The following GPC5 variants were observed in gnomAD, a reference collection of about 807,000 sequenced individuals.
The protein encoded by GPC5 is glypican-5.
Under a neutral mutation model 53.9 loss-of-function variants are expected in GPC5, and 47 were observed. The ratio of observed to expected loss-of-function variants is 0.87; its 90% CI spans 0.69 to 1.11. The LOEUF (loss-of-function observed/expected upper bound fraction) is 1.11. Among genes scored for constraint, GPC5 ranks in the 50% most tolerant of loss-of-function variants. The pLI, the probability that GPC5 is intolerant of heterozygous loss-of-function variation, is 0.00. For synonymous variants in GPC5, 286 were observed against 263.3 expected (o/e 1.09, Z -0.84); for missense variants, 748 against 713.1 (o/e 1.05, Z -0.56).
chr13:91,476,069 A>G (rs528917491), intron 2 of GPC5, among the ~76,000 whole-genome samples: 1 of 152,318 alleles, frequency 6.6e-6, no homozygotes, highest in African/African-American at 2.4e-5. Flanking sequence ...GCATTGTTTG[A>G]TGGCTTTTTC....
intron 5 of GPC5, among the ~76,000 whole-genome samples, chr13:91,800,032 A>G (rs1300905168): frequency 2.0e-5 from 3 of 152,100 alleles, no homozygotes; most frequent in African/African-American, 4.8e-5. Context: ...TTACATCTAA[A>G]TAATTAAGAT....
At chr13:92,863,169 G>T (rs1347631603) in intron 7 of GPC5, among the ~76,000 whole-genome samples, 1 of 152,120 alleles carries the variant, frequency 6.6e-6, no homozygotes, top group Non-Finnish European at 1.5e-5. Context: ...CTCAATTTAA[G>T]TATTGACTTG....
At chr13:91,578,024 C>G (rs933268644) in intron 2 of GPC5, among the ~76,000 whole-genome samples, 3 of 152,236 alleles carry the variant, frequency 2.0e-5, no homozygotes, top group African/African-American at 7.2e-5. Context: ...CAGCCTTCCT[C>G]TCTCATCTTG....
intron 2 of GPC5, among the ~76,000 whole-genome samples, chr13:91,472,372 G>T (rs1237811862): frequency 6.6e-6 from 1 of 152,078 alleles, no homozygotes; most frequent in Non-Finnish European, 1.5e-5. Flanking sequence ...CTCTTGTTTT[G>T]CTACTTTAGA....
intron 3 of GPC5, among the ~76,000 whole-genome samples, chr13:91,716,290 G>C (rs916258868): frequency 6.6e-6 from 1 of 151,984 alleles, no homozygotes; most frequent in Non-Finnish European, 1.5e-5. Context: ...TTACTGCCTG[G>C]TAGAAAGTAT....
intron 6 of GPC5, among the ~76,000 whole-genome samples, chr13:92,133,923 G>A (rs1195907394): frequency 6.6e-6 from 1 of 152,136 alleles, no homozygotes; most frequent in Non-Finnish European, 1.5e-5. Flanking sequence ...TTCTGACTGA[G>A]CCAGGTGAGG....
intron 7 of GPC5, among the ~76,000 whole-genome samples, chr13:92,210,804 T>C (rs1318986512): frequency 6.6e-6 from 1 of 152,160 alleles, no homozygotes; most frequent in Non-Finnish European, 1.5e-5. Flanking sequence ...GTAAGTCTGG[T>C]TTCTCAAGTC....
At chr13:92,866,192 GC>G in intron 7 of GPC5, 89 bp from the exon 8 acceptor site, 1 of 1,135,514 alleles carries the variant, frequency 8.8e-7, no homozygotes, top group Admixed American at 2.6e-5. Flanking sequence ...CAAAAACAAT[GC>G]TGTCCACACT....
chr13:92,600,799 G>A (rs1443068300), intron 7 of GPC5, among the ~76,000 whole-genome samples: 1 of 151,590 alleles, frequency 6.6e-6, no homozygotes, highest in African/African-American at 2.4e-5. Flanking sequence ...GAGCCACCAC[G>A]CCCAGCCTTT....
intron 7 of GPC5, among the ~76,000 whole-genome samples, chr13:92,566,710 T>C (rs1449210893): frequency 1.3e-5 from 2 of 152,158 alleles, no homozygotes; most frequent in Non-Finnish European, 2.9e-5. Flanking sequence ...GTGTGTTCTA[T>C]GTCCTCACCC....
At position 92,841,807 on chromosome 13, in the gene GPC5, T is replaced by C. The variant is rs569426434; in HGVS notation, c.1562-24475T>C. ...TTCTCTACTTTTTCCTTATGATTTA[T>C]TTGTGTAAAACGTTGAGTCAATTGT... On this transcript the variant is annotated intron_variant, in intron 7 of 7. Coordinates refer to ENST00000377067, the MANE Select transcript of GPC5 (RefSeq NM_004466.6). 2.0e-5 allele frequency among the ~76,000 whole-genome samples: 3 copies of C among 152,298 alleles called. No homozygotes were observed. The South Asian group carries it at 6.2e-4, about 32-fold the overall frequency.
intron 6 of GPC5, among the ~76,000 whole-genome samples, chr13:91,943,080 A>T (rs2039942587): frequency 6.6e-6 from 1 of 152,022 alleles, no homozygotes; most frequent in Non-Finnish European, 1.5e-5. Flanking sequence ...TTTAATCACC[A>T]TTTGTTTTGT....
chr13:91,926,303 G>A (rs2039766817), intron 6 of GPC5, among the ~76,000 whole-genome samples: 1 of 148,354 alleles, frequency 6.7e-6, no homozygotes, highest in African/African-American at 2.5e-5. Context: ...AGAGGTTGCA[G>A]TGAGCCAAGA....
chr13:91,437,081 C>T lies in GPC5; in HGVS notation c.164-11680C>T, dbSNP rs189927658. On this transcript the variant is annotated intron_variant, in intron 1 of 7. Coordinates refer to ENST00000377067, the MANE Select transcript of GPC5 (RefSeq NM_004466.6). ...CCCTTTATTTTGAGCCTATGTGTGT[C>T]GCTGCATATGAGATGGGTTTCCTGA... Among the ~76,000 whole-genome samples the T allele has an allele frequency of 1.3e-3, 195 of 152,130 alleles. 2 individuals carry two copies. Among genetic ancestry groups the T allele is most frequent in the African/African-American group, 4.4e-3 (181 of 41,488 alleles).
intron 7 of GPC5, among the ~76,000 whole-genome samples, chr13:92,281,971 C>T (rs2042918799): frequency 6.6e-6 from 1 of 152,140 alleles, no homozygotes. Flanking sequence ...GAAGTTCAAT[C>T]CCAACACAAA....
At chr13:92,270,528 G>A (rs908838141) in intron 7 of GPC5, among the ~76,000 whole-genome samples, 1 of 152,174 alleles carries the variant, frequency 6.6e-6, no homozygotes, top group African/African-American at 2.4e-5. Context: ...TTTACAGCCT[G>A]TGGAACCGTG....
At chr13:92,640,100 T>A (rs908066078) in intron 7 of GPC5, among the ~76,000 whole-genome samples, 5 of 151,966 alleles carry the variant, frequency 3.3e-5, no homozygotes, top group Admixed American at 3.3e-4. Context: ...CAGATATATA[T>A]GTATGCACAA....
intron 7 of GPC5, among the ~76,000 whole-genome samples, chr13:92,589,299 A>C (rs1883642021): frequency 6.6e-6 from 1 of 152,142 alleles, no homozygotes; most frequent in African/African-American, 2.4e-5. Flanking sequence ...GATTGAGTTG[A>C]AACCTTGAGA....
chr13:91,851,121 T>C (rs918118303), intron 5 of GPC5, among the ~76,000 whole-genome samples: 1 of 152,124 alleles, frequency 6.6e-6, no homozygotes, highest in Admixed American at 6.5e-5. Context: ...AGGTCTGAGC[T>C]GATACCTGGC....
Sources: gnomAD v4.1 joint callset for allele counts (sites outside exome capture counted in the v4.1 genomes callset) on GRCh38, gnomAD v4.1.1 for gene constraint, MANE v1.5 for transcripts, NCBI Gene and HGNC (gene_info 2026-07-23, HGNC 2026-07-21) for gene names.